The following ADSS2 variants were observed in gnomAD, a reference collection of about 807,000 sequenced individuals.
ADSS2 encodes the protein adenylosuccinate synthase 2.
In ADSS2, 30 loss-of-function variants were observed where a neutral mutation model predicts 60.0. That is an observed-to-expected ratio of 0.50 (90% CI 0.37 to 0.68). The LOEUF (loss-of-function observed/expected upper bound fraction) is 0.68. Ranked by LOEUF, ADSS2 falls within the 30% of genes least tolerant of loss-of-function variation. The probability of loss-of-function intolerance (pLI) is 0.00; values close to 1 mark genes in which losing one functional copy is unlikely to be tolerated. For missense variants in ADSS2, 373 were observed against 554.8 expected (o/e 0.67, Z 3.29); for synonymous variants, 187 against 193.1 (o/e 0.97, Z 0.26).
At chr1:244,412,132 GAAAC>G (rs1664430872) in intron 11 of ADSS2, among the ~76,000 whole-genome samples, 1 of 152,316 alleles carries the variant, frequency 6.6e-6, no homozygotes, top group South Asian at 2.1e-4. Flanking sequence ...TGTAGGAATA[GAAAC>G]AACCTGGGCA....
In ADSS2 at chr1:244,409,359, G is replaced by A; in HGVS notation, c.*227C>T. The A allele has an allele frequency of 4.8e-6, 2 of 418,976 alleles. No homozygotes were observed. The highest frequency in any genetic ancestry group is 4.9e-5 in the South Asian group (1 of 20,358). The allele number at this position is 418,976 out of a possible 1,614,324, so 26.0% of individuals were successfully genotyped here. On this transcript the variant is annotated 3_prime_UTR_variant, in exon 13 of 13. Transcript: ENST00000366535. ...AAAAAAACGTGGCACCATGAGAGCA[G>A]CAGGAGCAACAAATGATTTGGCAAT...
intron 1 of ADSS2, among the ~76,000 whole-genome samples, chr1:244,448,623 T>C (rs1223174742): frequency 2.0e-5 from 3 of 152,206 alleles, no homozygotes; most frequent in Non-Finnish European, 4.4e-5. Flanking sequence ...TGGTATAAAC[T>C]ACTATAGTTA....
intron 2 of ADSS2, 107 bp from the exon 3 acceptor site, chr1:244,437,000 G>A: frequency 1.2e-6 from 1 of 843,340 alleles, no homozygotes. Flanking sequence ...ATGATTCCAA[G>A]TTTTACACAG....
At chr1:244,421,350 G>A (rs1451133243) in intron 7 of ADSS2, among the ~76,000 whole-genome samples, 1 of 152,132 alleles carries the variant, frequency 6.6e-6, no homozygotes, top group Admixed American at 6.5e-5. Flanking sequence ...GACTATTATG[G>A]AAATTCCAGA....
At chr1:244,445,610 A>G (rs1010994084) in intron 1 of ADSS2, among the ~76,000 whole-genome samples, 16 of 152,118 alleles carry the variant, frequency 1.1e-4, no homozygotes, top group African/African-American at 3.6e-4. Flanking sequence ...AATATGTGTA[A>G]GCTTCTAGCT....
intron 7 of ADSS2, among the ~76,000 whole-genome samples, chr1:244,420,795 C>T (rs1338712315): frequency 6.6e-6 from 1 of 152,126 alleles, no homozygotes; most frequent in East Asian, 1.9e-4. Flanking sequence ...GCAGCCTCGA[C>T]CTCCCAGGCT....
chr1:244,447,185 C>T (rs1196954268), intron 1 of ADSS2, among the ~76,000 whole-genome samples: 1 of 152,136 alleles, frequency 6.6e-6, no homozygotes, highest in Non-Finnish European at 1.5e-5. Flanking sequence ...CAATATGTAG[C>T]TCATCCACAC....
intron 7 of ADSS2, among the ~76,000 whole-genome samples, chr1:244,422,429 T>C (rs1664699446): frequency 6.6e-6 from 1 of 152,242 alleles, no homozygotes; most frequent in African/African-American, 2.4e-5. Flanking sequence ...CCTATGGGGT[T>C]ATCCTTCCTA....
intron 1 of ADSS2, among the ~76,000 whole-genome samples, chr1:244,442,820 T>C (rs1304626653): frequency 6.6e-6 from 1 of 152,198 alleles, no homozygotes; most frequent in Non-Finnish European, 1.5e-5. Flanking sequence ...ATATTCAGAT[T>C]ATGTAAATAG....
In ADSS2 at chr1:244,416,314, A is replaced by C. The variant is rs576338964; in HGVS notation, c.1071-236T>G. Among the ~76,000 whole-genome samples the C allele has an allele frequency of 8.5e-5, 13 of 152,250 alleles. No homozygotes were observed. The South Asian group carries it at 1.9e-3, about 22-fold the overall frequency. On this transcript the variant is annotated intron_variant, in intron 10 of 12. Transcript: ENST00000366535. ...AGATTTTCACTGATGAATTTTGCTT[A>C]GCTTTCTTTTTTGATCGTTTTGAGA... is the stretch of plus-strand genomic sequence containing the variant.
chr1:244,417,118 G>A (rs960180661), intron 10 of ADSS2, among the ~76,000 whole-genome samples: 9 of 152,072 alleles, frequency 5.9e-5, no homozygotes, highest in Non-Finnish European at 5.9e-5. Flanking sequence ...CTCTCACTAC[G>A]TTTCTCACCT....
chr1:244,419,867 T>C (rs2147993175), intron 8 of ADSS2, among the ~76,000 whole-genome samples: 1 of 152,288 alleles, frequency 6.6e-6, no homozygotes, highest in Non-Finnish European at 1.5e-5. Context: ...AGAATTTATC[T>C]TATCTTATAG....
Position 244,409,362 on chromosome 1 carries a change from G to T in ADSS2, c.*224C>A. On this transcript the variant is annotated 3_prime_UTR_variant, in exon 13 of 13. Transcript: ENST00000366535. The stretch of plus-strand genomic sequence containing the variant: ...AAAACGTGGCACCATGAGAGCAGCA[G>T]GAGCAACAAATGATTTGGCAATTCC... 1 of 427,462 alleles carries T rather than the reference G, an allele frequency of 2.3e-6. No homozygotes were observed. The allele number at this position is 427,462 out of a possible 1,614,324, so 26.5% of individuals were successfully genotyped here.
At chr1:244,446,287 T>C (rs1665382594) in intron 1 of ADSS2, among the ~76,000 whole-genome samples, 1 of 152,218 alleles carries the variant, frequency 6.6e-6, no homozygotes, top group South Asian at 2.1e-4. Flanking sequence ...TTATAAATGA[T>C]GATTGTTCTT....
chr1:244,430,732 C>G lies in ADSS2; in HGVS notation c.406+1813G>C, dbSNP rs555239458. On this transcript the variant is annotated intron_variant, in intron 4 of 12. Transcript: ENST00000366535. The stretch of plus-strand genomic sequence containing the variant: ...ACTATTGGTAACAGAATAAATAAAG[C>G]TAATGAGTAGTAAGTGTAAGCAAAC... Among the ~76,000 whole-genome samples, 33 of 152,252 alleles carry G rather than the reference C, an allele frequency of 2.2e-4. No homozygotes were observed. The East Asian group carries it at 6.4e-3, about 29-fold the overall frequency.
chr1:244,424,302 A>C lies in ADSS2; in HGVS notation c.473+19T>G. 1 of 1,611,208 alleles carries C rather than the reference A, an allele frequency of 6.2e-7. No individual in the cohort carries two copies. The highest frequency in any genetic ancestry group is 1.7e-4 in the Middle Eastern group (1 of 6,046). On this transcript the variant is annotated intron_variant, in intron 5 of 12. Coordinates refer to ENST00000366535, the MANE Select transcript of ADSS2 (RefSeq NM_001126.5). ...GCATATGCTTAAACTGTACCAAAAAAACAAAAACCCACACATACTTTTTTC... is the reference window on the plus strand; with the variant it reads ...GCATATGCTTAAACTGTACCAAAAACACAAAAACCCACACATACTTTTTTC...
intron 4 of ADSS2, among the ~76,000 whole-genome samples, chr1:244,425,300 A>G (rs1359424787): frequency 6.6e-6 from 1 of 152,212 alleles, no homozygotes; most frequent in African/African-American, 2.4e-5. Context: ...TTATGGGAAT[A>G]TAATTTATAC....
intron 12 of ADSS2, among the ~76,000 whole-genome samples, chr1:244,410,720 TA>T (rs376778448): frequency 2.3e-4 from 34 of 146,584 alleles, no homozygotes; most frequent in South Asian, 6.5e-4. Context: ...TGTCACAGGA[TA>T]AAAAAAAAAC....
intron 12 of ADSS2, among the ~76,000 whole-genome samples, chr1:244,410,270 T>C (rs948375856): frequency 6.6e-6 from 1 of 152,168 alleles, no homozygotes; most frequent in Non-Finnish European, 1.5e-5. Context: ...ACAAGAATCA[T>C]GCTGGAAACG....
Sources: gnomAD v4.1 joint callset for allele counts (sites outside exome capture counted in the v4.1 genomes callset) on GRCh38, gnomAD v4.1.1 for gene constraint, MANE v1.5 for transcripts, NCBI Gene and HGNC (gene_info 2026-07-23, HGNC 2026-07-21) for gene names.